MARCHF2: variants seen among roughly 807,000 people sequenced by gnomAD.
MARCHF2 encodes membrane associated ring-CH-type finger 2, also known as E3 ubiquitin-protein ligase MARCHF2.
In MARCHF2, 22 loss-of-function variants were observed where a neutral mutation model predicts 24.0. The ratio of observed to expected loss-of-function variants is 0.92; its 90% CI spans 0.66 to 1.31. The LOEUF is 1.31. Ranked by LOEUF, MARCHF2 falls within the 50% of genes most tolerant of loss-of-function variation. The pLI, the probability that MARCHF2 is intolerant of heterozygous loss-of-function variation, is 0.00. For missense variants in MARCHF2, 301 were observed against 335.3 expected (o/e 0.90, Z 0.80); for synonymous variants, 154 against 153.0 (o/e 1.01, Z -0.05).
At chr19:8,417,173 G>A (rs1023556154) in intron 1 of MARCHF2, among the ~76,000 whole-genome samples, 38 of 152,146 alleles carry the variant, frequency 2.5e-4, no homozygotes, top group Admixed American at 7.9e-4. Context: ...GCCAGGGGTG[G>A]TGGCTCAAGC....
Position 8,420,195 on chromosome 19 carries a change from A to ATAAATAAT in MARCHF2, c.-52-1591_-52-1590insATAATTAA, listed in dbSNP as rs1225520323. On this transcript the variant is annotated intron_variant, in intron 1 of 4. Coordinates refer to ENST00000215555, the MANE Select transcript of MARCHF2 (RefSeq NM_001005415.2). ...AATAAATAAATAAATAAATAAATAA[A>ATAAATAAT]TAATTAGCTGAGTGTGGTGGTGGGC... 2.2e-4 allele frequency among the ~76,000 whole-genome samples: 33 copies of ATAAATAAT among 147,366 alleles called. 1 individual carries two copies. The highest frequency in any genetic ancestry group is 6.0e-5 in the Non-Finnish European group (4 of 67,216).
rs1165509915 is a variant in MARCHF2, at chr19:8,426,686, C to T, written c.254C>T (p.Thr85Met). 9 of 1,613,810 alleles carry T rather than the reference C, an allele frequency of 5.6e-6. No homozygotes were observed. Among genetic ancestry groups the T allele is most frequent in the South Asian group, 3.3e-5 (3 of 91,066 alleles). ...CTGTCCCCGTGTGGCTGCACCGGCACGCTGGGTGCCGTGCATAAGAGCTGT... is the reference window on the plus strand; with the variant it reads ...CTGTCCCCGTGTGGCTGCACCGGCATGCTGGGTGCCGTGCATAAGAGCTGT... ...CLLSPCGCTG[T>M]LGAVHKSCLE... Residue 85 changes from threonine to methionine, a missense_variant, in exon 3 of 5, where the codon ACG becomes ATG. Transcript: ENST00000215555.
intron 1 of MARCHF2, among the ~76,000 whole-genome samples, chr19:8,416,586 T>C (rs998619139): frequency 2.6e-5 from 4 of 152,078 alleles, no homozygotes; most frequent in African/African-American, 9.7e-5. Flanking sequence ...CATTGATTGA[T>C]TGAGACAGGG....
intron 2 of MARCHF2, 75 bp from the exon 3 acceptor site, chr19:8,426,534 G>A: frequency 8.0e-7 from 1 of 1,246,622 alleles, no homozygotes; most frequent in Non-Finnish European, 1.2e-6. Flanking sequence ...GGGTGAGCTT[G>A]TGATCCAGTG....
intron 1 of MARCHF2, chr19:8,413,870 C>T (rs1326929348): frequency 6.6e-6 from 1 of 152,216 alleles, no homozygotes; most frequent in Non-Finnish European, 1.5e-5. Context: ...TGTGGGTGCT[C>T]AAAACGGGGT....
At chr19:8,428,674 A>C (rs1209869974) in intron 3 of MARCHF2, among the ~76,000 whole-genome samples, 8 of 148,848 alleles carry the variant, frequency 5.4e-5, no homozygotes, top group East Asian at 3.9e-4. Flanking sequence ...AAAAAAAAAA[A>C]AAAAAAAAAC....
chr19:8,426,424 G>A lies in MARCHF2; in HGVS notation c.177-185G>A, dbSNP rs557391067. ...ACCTGTGGGAGTCTGGGAAGGCTTC[G>A]CAAGGTTACCTTCCCTGCATCTCCT... On this transcript the variant is annotated intron_variant, in intron 2 of 4. Transcript: ENST00000215555. Among the ~76,000 whole-genome samples, 703 of 151,892 alleles carry A rather than the reference G, an allele frequency of 4.6e-3. 1 individual carries two copies. Among genetic ancestry groups the A allele is most frequent in the Admixed American group, 6.8e-3 (103 of 15,206 alleles).
At chr19:8,420,421 A>T (rs567758852) in intron 1 of MARCHF2, among the ~76,000 whole-genome samples, 1 of 150,600 alleles carries the variant, frequency 6.6e-6, no homozygotes, top group East Asian at 2.0e-4. Flanking sequence ...CTGTAGTCCC[A>T]GCTACTTGGG....
rs886065926 is a variant in MARCHF2 at position 8,415,652 on chromosome 19, C to T, written c.-53+2232C>T. ...AGGAGAATCGCTTGAACCTGGGAGG[C>T]GGAGGTTGCAGAGAACCGAGGTGGT... On this transcript the variant is annotated intron_variant, in intron 1 of 4. Transcript: ENST00000215555. 3.5e-4 allele frequency among the ~76,000 whole-genome samples: 46 copies of T among 132,132 alleles called. 2 individuals are homozygous for T. The highest frequency in any genetic ancestry group is 3.1e-5 in the Non-Finnish European group (2 of 64,884). The allele number at this position is 132,132 out of a possible 152,430, so 86.7% of individuals were successfully genotyped here. A position where few individuals can be genotyped will look rare whatever the true frequency, so the allele number is the denominator to read the frequency against.
intron 1 of MARCHF2, among the ~76,000 whole-genome samples, chr19:8,414,210 G>A (rs1277612219): frequency 1.3e-5 from 2 of 151,988 alleles, no homozygotes; most frequent in African/African-American, 2.4e-5. Flanking sequence ...TATAATAAGA[G>A]CTAATAGTTA....
At chr19:8,420,291 T>C (rs1967200406) in intron 1 of MARCHF2, among the ~76,000 whole-genome samples, 1 of 150,630 alleles carries the variant, frequency 6.6e-6, no homozygotes, top group South Asian at 2.1e-4. Flanking sequence ...GAGGTTGCAG[T>C]GAGCCGAGAT....
intron 2 of MARCHF2, among the ~76,000 whole-genome samples, chr19:8,425,283 G>A (rs1345896128): frequency 6.6e-6 from 1 of 151,706 alleles, no homozygotes; most frequent in Non-Finnish European, 1.5e-5. Flanking sequence ...TCGGGAGGCT[G>A]AGGCTACTCG....
At chr19:8,421,381 T>C (rs1256385929) in intron 1 of MARCHF2, among the ~76,000 whole-genome samples, 2 of 131,642 alleles carry the variant, frequency 1.5e-5, no homozygotes, top group African/African-American at 5.5e-5. Flanking sequence ...TTCTTTCTTT[T>C]CTTTTTTTTT....
At chr19:8,424,980 T>G (rs889357479) in intron 2 of MARCHF2, among the ~76,000 whole-genome samples, 1 of 152,130 alleles carries the variant, frequency 6.6e-6, no homozygotes, top group African/African-American at 2.4e-5. Context: ...CAATTATGGG[T>G]CATTGGAGCT....
intron 1 of MARCHF2, among the ~76,000 whole-genome samples, chr19:8,414,574 G>C (rs1487250510): frequency 6.6e-6 from 1 of 152,136 alleles, no homozygotes; most frequent in Non-Finnish European, 1.5e-5. Context: ...CACTGCGCCC[G>C]GCCTGTAACA....
In MARCHF2 at chr19:8,421,861, C is replaced by A; in HGVS notation, c.21C>A (p.Cys7Ter). Residue 7 changes from cysteine to a stop codon, truncating the protein, a stop_gained, in exon 2 of 5, where the codon TGC (cysteine) becomes TGA (stop). Transcript: ENST00000215555. LOFTEE classifies it high-confidence loss of function. ...TGGCCATGACGACGGGTGACTGCTG[C>A]CACCTCCCCGGCTCCCTGTGTGACT... is the stretch of plus-strand genomic sequence containing the variant. MTTGDC[C>*]HLPGSLCDCS... The A allele has an allele frequency of 6.2e-7, 1 of 1,610,870 alleles. No individual in the cohort carries two copies. The highest frequency in any genetic ancestry group is 8.5e-7 in the Non-Finnish European group (1 of 1,178,572).
chr19:8,422,525 T>C (rs1967277127), intron 2 of MARCHF2, among the ~76,000 whole-genome samples: 2 of 151,732 alleles, frequency 1.3e-5, no homozygotes, highest in Non-Finnish European at 2.9e-5. Context: ...CCCGAGTAGC[T>C]GGGATTACAG....
At chr19:8,421,364 T>C (rs544135853) in intron 1 of MARCHF2, among the ~76,000 whole-genome samples, 8 of 149,594 alleles carry the variant, frequency 5.3e-5, no homozygotes, top group Non-Finnish European at 1.2e-4. Flanking sequence ...CTTTTTTTTT[T>C]ACTTTTTTCT....
chr19:8,425,275 G>A (rs888196988), intron 2 of MARCHF2, among the ~76,000 whole-genome samples: 1 of 151,676 alleles, frequency 6.6e-6, no homozygotes, highest in African/African-American at 2.4e-5. Context: ...TCAGCTACTC[G>A]GGAGGCTGAG....
Sources: allele counts gnomAD v4.1 joint callset (sites outside exome capture counted in the v4.1 genomes callset), GRCh38; gene constraint gnomAD v4.1.1; transcripts MANE v1.5; gene names NCBI Gene and HGNC (gene_info 2026-07-23, HGNC 2026-07-21).